Variants in IL1RAPL2 observed in about 807,000 individuals in gnomAD.
The protein encoded by IL1RAPL2 is interleukin 1 receptor accessory protein like 2.
IL1RAPL2 carries 3 observed loss-of-function variants against 44.1 expected under a neutral mutation model. That is an observed-to-expected ratio of 0.07 (90% CI 0.03 to 0.18). IL1RAPL2 has a LOEUF of 0.18. IL1RAPL2 is among the 10% of genes least tolerant of loss of function. The pLI, the probability that IL1RAPL2 is intolerant of heterozygous loss-of-function variation, is 1.00. For synonymous variants in IL1RAPL2, 181 were observed against 178.8 expected, an observed-to-expected ratio of 1.01 and a Z score of -0.10; for missense variants, 391 against 496.4, an observed-to-expected ratio of 0.79 and a Z score of 2.02.
intron 6 of IL1RAPL2, among the ~76,000 whole-genome samples, chrX:105,616,713 C>G (rs1251211721): frequency 9.0e-6 from 1 of 110,810 alleles, no homozygotes; most frequent in African/African-American, 3.3e-5. Flanking sequence ...GATATTTTGT[C>G]CTGATCTACG....
intron 6 of IL1RAPL2, among the ~76,000 whole-genome samples, chrX:105,608,551 G>A (rs925047461): frequency 1.2e-4 from 13 of 112,075 alleles, no homozygotes; most frequent in African/African-American, 3.9e-4. Context: ...TTTTAGTAAA[G>A]AGCAAGAAAG....
chrX:104,731,410 CT>C (rs1330362540), intron 2 of IL1RAPL2, among the ~76,000 whole-genome samples: 3 of 109,524 alleles, frequency 2.7e-5, no homozygotes, highest in African/African-American at 6.6e-5. Flanking sequence ...GTGTAACAGA[CT>C]TTTTTTTTGG....
At chrX:104,976,352 G>T (rs1399889046) in intron 2 of IL1RAPL2, among the ~76,000 whole-genome samples, 1 of 111,550 alleles carries the variant, frequency 9.0e-6, no homozygotes, top group African/African-American at 3.3e-5. Flanking sequence ...CTCCCTTTTA[G>T]ATTTCTACTT....
chrX:104,665,910 A>G (rs1282169617), intron 2 of IL1RAPL2, among the ~76,000 whole-genome samples: 1 of 111,603 alleles, frequency 9.0e-6, no homozygotes, highest in Non-Finnish European at 1.9e-5. Context: ...TGTAGGCTAG[A>G]TTCCTAGAAG....
intron 2 of IL1RAPL2, among the ~76,000 whole-genome samples, chrX:104,761,305 G>A (rs1932422992): frequency 9.0e-6 from 1 of 111,006 alleles, no homozygotes; most frequent in Admixed American, 9.5e-5. Context: ...AGCAAAGAGG[G>A]AAATGCCCCT....
chrX:104,872,750 C>A (rs1005971005), intron 2 of IL1RAPL2, among the ~76,000 whole-genome samples: 1 of 110,970 alleles, frequency 9.0e-6, no homozygotes, highest in Non-Finnish European at 1.9e-5. Context: ...TATGGTGACT[C>A]GTCTAATATT....
chrX:104,677,137 T>C (rs1471509811), intron 2 of IL1RAPL2, among the ~76,000 whole-genome samples: 1 of 112,153 alleles, frequency 8.9e-6, no homozygotes, highest in Non-Finnish European at 1.9e-5. Flanking sequence ...CCGTTGCTGG[T>C]GAGGAATTGC....
chrX:105,333,980 T>C (rs1454493940), intron 5 of IL1RAPL2, among the ~76,000 whole-genome samples: 2 of 111,495 alleles, frequency 1.8e-5, no homozygotes, highest in Admixed American at 9.6e-5. Context: ...TATAAAAAAC[T>C]AAAAATTGAG....
At chrX:104,722,533 G>T (rs975395787) in intron 2 of IL1RAPL2, among the ~76,000 whole-genome samples, 4 of 111,325 alleles carry the variant, frequency 3.6e-5, no homozygotes, top group Non-Finnish European at 7.6e-5. Flanking sequence ...TATTGTGGAA[G>T]TCAGCTTTAT....
At chrX:104,894,848 G>A (rs934243720) in intron 2 of IL1RAPL2, among the ~76,000 whole-genome samples, 2 of 112,223 alleles carry the variant, frequency 1.8e-5, no homozygotes, top group Non-Finnish European at 3.8e-5. Flanking sequence ...TTCCTTTGGA[G>A]GGGGAGAGGC....
chrX:105,462,294 C>T (rs1482074638), intron 5 of IL1RAPL2, among the ~76,000 whole-genome samples: 2 of 111,052 alleles, frequency 1.8e-5, no homozygotes, highest in Non-Finnish European at 3.8e-5. Flanking sequence ...GTTGCAGTCC[C>T]TCTTCCTAAT....
chrX:104,876,520 T>C (rs966740525), intron 2 of IL1RAPL2, among the ~76,000 whole-genome samples: 3 of 110,941 alleles, frequency 2.7e-5, no homozygotes, highest in African/African-American at 9.8e-5. Flanking sequence ...CTATACAAAA[T>C]AGTTTGCTAC....
chrX:104,713,155 C>T (rs762851275), intron 2 of IL1RAPL2, among the ~76,000 whole-genome samples: 371 of 110,233 alleles, frequency 3.4e-3, no homozygotes, highest in South Asian at 0.01. Flanking sequence ...TAGTCAGTGA[C>T]GAAAGCTGGG....
intron 6 of IL1RAPL2, among the ~76,000 whole-genome samples, chrX:105,489,819 C>CTCTCTCTTTCTTTT (rs2036301956): frequency 7.4e-5 from 7 of 94,354 alleles, no homozygotes; most frequent in Non-Finnish European, 1.2e-4. Flanking sequence ...CTCTCTCTCT[C>CTCTCTCTTTCTTTT]TCTTTCTTTT....
chrX:105,139,676 A>G (rs188516769), intron 2 of IL1RAPL2, among the ~76,000 whole-genome samples: 1 of 111,467 alleles, frequency 9.0e-6, no homozygotes, highest in African/African-American at 3.3e-5. Flanking sequence ...TCTTTTCATA[A>G]GGGCACTAAT....
chrX:105,176,303 A>C (rs1176659525), intron 2 of IL1RAPL2, among the ~76,000 whole-genome samples: 4 of 111,284 alleles, frequency 3.6e-5, no homozygotes, highest in Non-Finnish European at 7.5e-5. Context: ...TGAGGCCAGC[A>C]TACTGGGTAG....
chrX:104,871,918 A>C (rs1922774774), intron 2 of IL1RAPL2, among the ~76,000 whole-genome samples: 3 of 111,779 alleles, frequency 2.7e-5, no homozygotes, highest in African/African-American at 6.5e-5. Flanking sequence ...TGCAGAGATC[A>C]TGGTTTTGTC....
At chrX:104,761,168 T>C (rs776376045) in intron 2 of IL1RAPL2, among the ~76,000 whole-genome samples, 4 of 111,446 alleles carry the variant, frequency 3.6e-5, no homozygotes, top group South Asian at 7.7e-4. Flanking sequence ...AGGTAATTTA[T>C]AAAAGAAAGA....
chrX:104,706,938 T>C (rs888290098), intron 2 of IL1RAPL2, among the ~76,000 whole-genome samples: 1 of 111,689 alleles, frequency 9.0e-6, no homozygotes, highest in African/African-American at 3.2e-5. Context: ...TGTACCCTTT[T>C]AGAATATTTT....
Sources: allele counts gnomAD v4.1 joint callset (sites outside exome capture counted in the v4.1 genomes callset), GRCh38; gene constraint gnomAD v4.1.1; transcripts MANE v1.5; gene names NCBI Gene and HGNC (gene_info 2026-07-23, HGNC 2026-07-21).